The following PPP3CA variants were observed in gnomAD, a reference collection of about 807,000 sequenced individuals.
PPP3CA encodes the protein protein phosphatase 3 catalytic subunit alpha.
In PPP3CA, 14 loss-of-function variants were observed where a neutral mutation model predicts 66.5. The ratio of observed to expected loss-of-function variants is 0.21; its 90% CI spans 0.14 to 0.33. PPP3CA has a LOEUF of 0.33. Among genes scored for constraint, PPP3CA ranks in the 10% least tolerant of loss-of-function variants. PPP3CA has a pLI of 1.00. For missense variants in PPP3CA, 317 were observed against 639.5 expected (o/e 0.50, Z 5.44); for synonymous variants, 232 against 226.2 (o/e 1.03, Z -0.23).
intron 2 of PPP3CA, among the ~76,000 whole-genome samples, chr4:101,182,346 A>T (rs753700552): frequency 1.3e-5 from 2 of 152,164 alleles, no homozygotes; most frequent in African/African-American, 2.4e-5. Flanking sequence ...TTAAGTATTA[A>T]AATGCACTGG....
intron 2 of PPP3CA, among the ~76,000 whole-genome samples, chr4:101,141,022 T>A (rs960647114): frequency 6.6e-6 from 1 of 152,206 alleles, no homozygotes; most frequent in African/African-American, 2.4e-5. Flanking sequence ...TAAAACATAA[T>A]GGAGACAGAA....
rs78191725 is a variant in PPP3CA at position 101,335,966 on chromosome 4, A to G, written c.58+10773T>C. Reference sequence around the variant, plus strand: ...ACACTTGTAATCCCAGCACTTTGGGAGGCCGAGGTGGGTGGATCACCTGAG... The same window carrying G: ...ACACTTGTAATCCCAGCACTTTGGGGGGCCGAGGTGGGTGGATCACCTGAG... On this transcript the variant is annotated intron_variant, in intron 1 of 13. Transcript: ENST00000394854. Among the ~76,000 whole-genome samples the G allele has an allele frequency of 4.6e-3, 705 of 152,286 alleles. 7 individuals carry two copies. The highest frequency in any genetic ancestry group is 0.014 in the Admixed American group (216 of 15,296).
intron 1 of PPP3CA, among the ~76,000 whole-genome samples, chr4:101,320,523 A>G (rs886150168): frequency 6.6e-6 from 1 of 151,634 alleles, no homozygotes; most frequent in South Asian, 2.1e-4. Context: ...TACACAGACA[A>G]TATGTCAATG....
chr4:101,156,608 A>G (rs1242770953), intron 2 of PPP3CA, among the ~76,000 whole-genome samples: 2 of 151,952 alleles, frequency 1.3e-5, no homozygotes, highest in Admixed American at 1.3e-4. Flanking sequence ...TGAACCCAGG[A>G]GGTGGAGGTT....
chr4:101,150,513 T>C (rs1723103836), intron 2 of PPP3CA, among the ~76,000 whole-genome samples: 1 of 152,222 alleles, frequency 6.6e-6, no homozygotes, highest in South Asian at 2.1e-4. Flanking sequence ...AGAACATGTA[T>C]TAAACTGCTT....
At chr4:101,105,805 T>TA (rs1234815201) in intron 3 of PPP3CA, among the ~76,000 whole-genome samples, 1 of 151,524 alleles carries the variant, frequency 6.6e-6, no homozygotes, top group South Asian at 2.1e-4. Context: ...AATGTTATAA[T>TA]AAAAAAAAAT....
chr4:101,346,663 GAA>G, intron 1 of PPP3CA, 74 bp downstream of exon 1: 1 of 1,210,558 alleles, frequency 8.3e-7, no homozygotes, highest in Non-Finnish European at 1.1e-6. Flanking sequence ...GGGAGGGGAG[GAA>G]AGGCGAGGCG....
intron 10 of PPP3CA, among the ~76,000 whole-genome samples, chr4:101,041,724 G>A (rs1428163444): frequency 1.3e-5 from 2 of 152,048 alleles, no homozygotes; most frequent in African/African-American, 2.4e-5. Context: ...GTGAGCCACC[G>A]CACCTGGTCA....
At chr4:101,335,351 G>A (rs1463389042) in intron 1 of PPP3CA, among the ~76,000 whole-genome samples, 1 of 151,856 alleles carries the variant, frequency 6.6e-6, no homozygotes, top group Non-Finnish European at 1.5e-5. Flanking sequence ...GTCAAGTGAG[G>A]TGCTGAGCTA....
intron 2 of PPP3CA, among the ~76,000 whole-genome samples, chr4:101,126,778 G>T (rs1722258497): frequency 6.6e-6 from 1 of 152,120 alleles, no homozygotes; most frequent in Non-Finnish European, 1.5e-5. Context: ...CTCATTCCCA[G>T]AAGATCTCAA....
At chr4:101,165,866 A>G (rs980816246) in intron 2 of PPP3CA, among the ~76,000 whole-genome samples, 9 of 152,162 alleles carry the variant, frequency 5.9e-5, no homozygotes, top group Non-Finnish European at 4.4e-5. Context: ...AGTGGTTTGC[A>G]TGTTAAATAA....
rs1726536644 is a variant in PPP3CA at position 101,024,536 on chromosome 4, C to A, written c.*1329G>T. 6.6e-6 allele frequency: 1 copy of A among 152,456 alleles called. No homozygotes were observed. The highest frequency in any genetic ancestry group is 1.5e-5 in the Non-Finnish European group (1 of 68,016). The allele number at this position is 152,456 out of a possible 1,614,324, so 9.4% of individuals were successfully genotyped here. ...TGTTTTCAGAATGAACCAGTTGTAACCCGTAACTGATATACAAAGGGAAAA... is the reference window on the plus strand; with the variant it reads ...TGTTTTCAGAATGAACCAGTTGTAAACCGTAACTGATATACAAAGGGAAAA... On this transcript the variant is annotated 3_prime_UTR_variant, in exon 14 of 14. Transcript: ENST00000394854.
chr4:101,335,860 G>A (rs1424079436), intron 1 of PPP3CA, among the ~76,000 whole-genome samples: 1 of 152,134 alleles, frequency 6.6e-6, no homozygotes, highest in Non-Finnish European at 1.5e-5. Context: ...ATTTTCAAGG[G>A]ACTCCAATAG....
At chr4:101,038,707 G>A (rs1727371844) in intron 11 of PPP3CA, among the ~76,000 whole-genome samples, 1 of 151,976 alleles carries the variant, frequency 6.6e-6, no homozygotes, top group African/African-American at 2.4e-5. Context: ...TATCTGGCTG[G>A]CATTCCAATT....
At chr4:101,237,949 A>G (rs776850037) in intron 1 of PPP3CA, among the ~76,000 whole-genome samples, 2 of 152,046 alleles carry the variant, frequency 1.3e-5, no homozygotes, top group Admixed American at 6.6e-5. Flanking sequence ...AGAGCTCACC[A>G]TAGGGCTGAC....
At chr4:101,058,407 T>G (rs1417846088) in intron 10 of PPP3CA, among the ~76,000 whole-genome samples, 4 of 152,162 alleles carry the variant, frequency 2.6e-5, no homozygotes, top group Non-Finnish European at 2.9e-5. Flanking sequence ...AAGTGAGAGA[T>G]AAAGCTCATC....
At chr4:101,159,247 T>G (rs1723423315) in intron 2 of PPP3CA, among the ~76,000 whole-genome samples, 1 of 152,086 alleles carries the variant, frequency 6.6e-6, no homozygotes. Flanking sequence ...AGAAGTAGAT[T>G]CTAAAAAAAC....
intron 1 of PPP3CA, among the ~76,000 whole-genome samples, chr4:101,197,625 G>C (rs1469285119): frequency 6.6e-6 from 1 of 152,198 alleles, no homozygotes; most frequent in East Asian, 1.9e-4. Context: ...AATAGTAACA[G>C]TAGTAGCTAA....
chr4:101,185,909 T>C (rs1724395082), intron 2 of PPP3CA, among the ~76,000 whole-genome samples: 6 of 152,194 alleles, frequency 3.9e-5, no homozygotes, highest in Admixed American at 3.9e-4. Flanking sequence ...ATTACATGGA[T>C]ATCCAAAGAA....
Sources: gnomAD v4.1 joint callset for allele counts (sites outside exome capture counted in the v4.1 genomes callset) on GRCh38, gnomAD v4.1.1 for gene constraint, MANE v1.5 for transcripts, NCBI Gene and HGNC (gene_info 2026-07-23, HGNC 2026-07-21) for gene names.